The following PIAS1 variants were observed in gnomAD, a reference collection of about 807,000 sequenced individuals.
The protein encoded by PIAS1 is E3 SUMO-protein ligase PIAS1.
A neutral mutation model predicts 71.3 loss-of-function variants in PIAS1; 6 were observed. The observed-to-expected ratio is 0.08, with a 90% CI of 0.05 to 0.17. PIAS1 has a LOEUF of 0.17. PIAS1 is among the 10% of genes least tolerant of loss of function. The pLI is 1.00. For missense variants in PIAS1, 555 were observed against 793.6 expected (o/e 0.70, Z 3.61); for synonymous variants, 303 against 292.9 (o/e 1.03, Z -0.35).
chr15:68,131,748 A>G (rs1361107244), intron 2 of PIAS1, among the ~76,000 whole-genome samples: 1 of 152,138 alleles, frequency 6.6e-6, no homozygotes, highest in African/African-American at 2.4e-5. Context: ...TTCTTTATCC[A>G]TTCATCTGTT....
Position 68,086,115 on chromosome 15 carries a change from T to C in PIAS1, c.25-191T>C, listed in dbSNP as rs935262623. 5.9e-5 allele frequency among the ~76,000 whole-genome samples: 9 copies of C among 152,216 alleles called. No homozygotes were observed. The highest frequency in any genetic ancestry group is 2.2e-4 in the African/African-American group (9 of 41,444). Reference sequence around the variant, plus strand: ...GTAGAAGTCAATGAATTTATGAATATTAATTTTAAATTTCTTTGGTTACTT... The same window carrying C: ...GTAGAAGTCAATGAATTTATGAATACTAATTTTAAATTTCTTTGGTTACTT... On this transcript the variant is annotated intron_variant, in intron 1 of 13. Transcript: ENST00000249636. The surrounding 1 kb of genome is among the most constrained non-coding windows in gnomAD (Gnocchi z 7.2).
intron 2 of PIAS1, among the ~76,000 whole-genome samples, chr15:68,120,145 T>G (rs946459495): frequency 6.6e-6 from 1 of 152,168 alleles, no homozygotes; most frequent in Non-Finnish European, 1.5e-5. Context: ...ATCTTATCCT[T>G]CTTTGTTACC....
chr15:68,162,704 T>C (rs1209134415), intron 7 of PIAS1, among the ~76,000 whole-genome samples: 3 of 152,118 alleles, frequency 2.0e-5, no homozygotes, highest in Non-Finnish European at 2.9e-5. Flanking sequence ...AGGGCTGATA[T>C]GGTGGTACAA....
chr15:68,154,078 G>C (rs2092869370), intron 7 of PIAS1: 1 of 161,642 alleles, frequency 6.2e-6, no homozygotes, highest in South Asian at 1.6e-4. Flanking sequence ...AAAGTGAAGA[G>C]AGCCAGTGGG....
In PIAS1 at chr15:68,135,569, C is replaced by T. The variant is rs537882447; in HGVS notation, c.470-6377C>T. Among the ~76,000 whole-genome samples, 254 of 40,962 alleles carry T rather than the reference C, an allele frequency of 6.2e-3. 101 individuals carry two copies. Among genetic ancestry groups the T allele is most frequent in the Non-Finnish European group, 0.014 (159 of 11,218 alleles). The allele number at this position is 40,962 out of a possible 152,430, so 26.9% of individuals were successfully genotyped here. On this transcript the variant is annotated intron_variant, in intron 2 of 13. Coordinates refer to ENST00000249636, the MANE Select transcript of PIAS1 (RefSeq NM_016166.3). ...CTCCTCACTTCCCAGTAGGGGTGAA[C>T]GGGCAGAGGCGCCCCTCACCTCCCG...
At position 68,178,966 on chromosome 15, in the gene PIAS1, A is replaced by G. The variant is rs924342473; in HGVS notation, c.1482-2246A>G. Among the ~76,000 whole-genome samples the G allele has an allele frequency of 6.6e-6, 1 of 152,190 alleles. No homozygotes were observed. Among genetic ancestry groups the G allele is most frequent in the South Asian group, 2.1e-4 (1 of 4,834 alleles). Reference sequence around the variant, plus strand: ...GTACTTCCTGAATTTCCCAGTGACTAATTGAACCCAGCTATAGTATTTGCA... The same window carrying G: ...GTACTTCCTGAATTTCCCAGTGACTGATTGAACCCAGCTATAGTATTTGCA... On this transcript the variant is annotated intron_variant, in intron 11 of 13. Transcript: ENST00000249636. The surrounding 1 kb of genome is among the most constrained non-coding windows in gnomAD (Gnocchi z 4.2).
At chr15:68,116,031 G>T (rs1307603640) in intron 2 of PIAS1, among the ~76,000 whole-genome samples, 1 of 151,972 alleles carries the variant, frequency 6.6e-6, no homozygotes, top group Admixed American at 6.6e-5. Flanking sequence ...TACCAAAGTA[G>T]TACTGGCTTC....
chr15:68,137,563 A>G (rs912446546), intron 2 of PIAS1, among the ~76,000 whole-genome samples: 1 of 151,878 alleles, frequency 6.6e-6, no homozygotes, highest in Non-Finnish European at 1.5e-5. Context: ...AGATCAAGAG[A>G]GCTAATAAAC....
chr15:68,081,784 A>T (rs905709873), intron 1 of PIAS1, among the ~76,000 whole-genome samples: 2 of 152,148 alleles, frequency 1.3e-5, no homozygotes, highest in African/African-American at 4.8e-5. Context: ...TCTGAATAAT[A>T]AGTGTATAAG....
intron 2 of PIAS1, among the ~76,000 whole-genome samples, chr15:68,123,983 T>C (rs78171322): frequency 0.044 from 6,708 of 151,174 alleles, 158 homozygotes; most frequent in Non-Finnish European, 0.062. Context: ...TGTGTGAATA[T>C]ACACACACAC....
rs1301539782 is a variant in PIAS1, at chr15:68,173,582, A to G, written c.1009-150A>G. 2.2e-6 allele frequency: 1 copy of G among 445,628 alleles called. No individual in the cohort carries two copies. Among genetic ancestry groups the G allele is most frequent in the Middle Eastern group, 5.9e-4 (1 of 1,688 alleles). The allele number at this position is 445,628 out of a possible 1,614,324, so 27.6% of individuals were successfully genotyped here. A position where few individuals can be genotyped will look rare whatever the true frequency, so the allele number is the denominator to read the frequency against. ...TTTAACCTATGGATATTTCACAGGA[A>G]ATGTGTTTAATGTTCTTCTACATTG... On this transcript the variant is annotated intron_variant, in intron 8 of 13. Coordinates refer to ENST00000249636, the MANE Select transcript of PIAS1 (RefSeq NM_016166.3). The surrounding 1 kb of genome is among the most constrained non-coding windows in gnomAD (Gnocchi z 4.3).
chr15:68,140,094 A>G (rs186713190), intron 2 of PIAS1, among the ~76,000 whole-genome samples: 112 of 152,328 alleles, frequency 7.4e-4, no homozygotes, highest in Middle Eastern at 3.4e-3. Context: ...ATTACAATGT[A>G]TATATAAATG....
intron 5 of PIAS1, 115 bp downstream of exon 5, chr15:68,146,021 T>C (rs1048862871): frequency 5.9e-6 from 4 of 681,578 alleles, no homozygotes; most frequent in Non-Finnish European, 1.0e-5. Context: ...ATTTTGGATA[T>C]ATATTCATTG....
At chr15:68,140,597 A>C (rs936133515) in intron 2 of PIAS1, among the ~76,000 whole-genome samples, 3 of 152,200 alleles carry the variant, frequency 2.0e-5, no homozygotes, top group Non-Finnish European at 4.4e-5. Context: ...CCTTTTAAAG[A>C]TACTGTTAAT....
intron 2 of PIAS1, among the ~76,000 whole-genome samples, chr15:68,117,053 C>T (rs1224218318): frequency 6.6e-6 from 1 of 152,066 alleles, no homozygotes; most frequent in African/African-American, 2.4e-5. Context: ...AACCTCCCTT[C>T]TAGCGTTTTT....
At chr15:68,088,154 TTGTC>T (rs953109252) in intron 2 of PIAS1, among the ~76,000 whole-genome samples, 76 of 83,876 alleles carry the variant, frequency 9.1e-4, no homozygotes, top group African/African-American at 3.0e-3. Flanking sequence ...GCATCTTTTC[TTGTC>T]TGTCTGATTA....
chr15:68,128,101 A>G (rs531486667), intron 2 of PIAS1, among the ~76,000 whole-genome samples: 3 of 152,176 alleles, frequency 2.0e-5, no homozygotes, highest in East Asian at 1.9e-4. Context: ...AGGCAGTTCA[A>G]CTTAGCAGTC....
intron 2 of PIAS1, among the ~76,000 whole-genome samples, chr15:68,104,701 C>G (rs2092455235): frequency 6.6e-6 from 1 of 152,086 alleles, no homozygotes; most frequent in African/African-American, 2.4e-5. Flanking sequence ...TGATGTGTTC[C>G]TAGCACAAAG....
chr15:68,170,078 G>C (rs940421673), intron 8 of PIAS1, among the ~76,000 whole-genome samples: 1 of 152,206 alleles, frequency 6.6e-6, no homozygotes, highest in Admixed American at 6.5e-5. Flanking sequence ...AGCCTTATCA[G>C]TGCACAGGAC....
Sources: allele counts gnomAD v4.1 joint callset (sites outside exome capture counted in the v4.1 genomes callset), GRCh38; gene constraint gnomAD v4.1.1; non-coding constraint Gnocchi (gnomAD v3.1); transcripts MANE v1.5; gene names NCBI Gene and HGNC (gene_info 2026-07-23, HGNC 2026-07-21).